ZNF609: variants seen among roughly 807,000 people sequenced by gnomAD.
The protein encoded by ZNF609 is zinc finger protein 609.
Under a neutral mutation model 109.5 loss-of-function variants are expected in ZNF609, and 11 were observed. The ratio of observed to expected loss-of-function variants is 0.10; its 90% confidence interval spans 0.06 to 0.17. The LOEUF (loss-of-function observed/expected upper bound fraction) is 0.17. Among genes scored for constraint, ZNF609 ranks in the 10% least tolerant of loss-of-function variants. The pLI is 1.00. For missense variants in ZNF609, 1,559 were observed against 1,772.4 expected, an observed-to-expected ratio of 0.88 and a Z score of 2.16; for synonymous variants, 646 against 662.0, an observed-to-expected ratio of 0.98 and a Z score of 0.37.
chr15:64,541,063 G>C (rs1029882331), intron 2 of ZNF609, among the ~76,000 whole-genome samples: 3 of 144,640 alleles, frequency 2.1e-5, no homozygotes, highest in Non-Finnish European at 4.5e-5. Flanking sequence ...GTGTCTAACA[G>C]CAAAACAAAA....
At chr15:64,618,567 T>C (rs1422888289) in intron 2 of ZNF609, among the ~76,000 whole-genome samples, 1 of 152,130 alleles carries the variant, frequency 6.6e-6, no homozygotes, top group Non-Finnish European at 1.5e-5. Flanking sequence ...GCTTGGAGAA[T>C]GAGTGTAAGG....
At chr15:64,667,824 T>C (rs1004898082) in intron 3 of ZNF609, among the ~76,000 whole-genome samples, 1 of 152,112 alleles carries the variant, frequency 6.6e-6, no homozygotes, top group Non-Finnish European at 1.5e-5. Flanking sequence ...TGAGAGGTGA[T>C]TTCAGAGGAG....
chr15:64,666,006 C>T (rs1472481522), intron 3 of ZNF609, among the ~76,000 whole-genome samples: 2 of 149,576 alleles, frequency 1.3e-5, no homozygotes, highest in Non-Finnish European at 3.0e-5. Flanking sequence ...ACCCAGGAGG[C>T]GGAGGTTGCA....
At position 64,577,338 on chromosome 15, in the gene ZNF609, T is replaced by C. The variant is rs1423610681; in HGVS notation, c.748-45489T>C. Among the ~76,000 whole-genome samples the C allele has an allele frequency of 5.4e-4, 10 of 18,642 alleles. 4 individuals carry two copies. In the East Asian group the frequency reaches 0.032, roughly 60 times the overall value. 12.2% of individuals were successfully genotyped at this position (18,642 alleles called of 152,430 possible). ...ATATATATACACACAAATATATACA[T>C]ATATATGTATATATATACACATATA... is the stretch of plus-strand genomic sequence containing the variant. On this transcript the variant is annotated intron_variant, in intron 2 of 9. Coordinates refer to ENST00000326648, the MANE Select transcript of ZNF609 (RefSeq NM_015042.2).
chr15:64,598,120 G>T (rs1313339106), intron 2 of ZNF609, among the ~76,000 whole-genome samples: 2 of 152,056 alleles, frequency 1.3e-5, no homozygotes, highest in East Asian at 1.9e-4. Flanking sequence ...AATTCTATCT[G>T]CTTTGTTTTG....
intron 2 of ZNF609, among the ~76,000 whole-genome samples, chr15:64,610,941 C>A (rs1366835322): frequency 6.6e-6 from 1 of 152,050 alleles, no homozygotes; most frequent in Non-Finnish European, 1.5e-5. Flanking sequence ...ATTAAGATTT[C>A]AGAAAAAGGC....
intron 2 of ZNF609, among the ~76,000 whole-genome samples, chr15:64,551,904 T>C (rs151246004): frequency 0.013 from 1,957 of 146,592 alleles, 44 homozygotes; most frequent in African/African-American, 0.046. Context: ...GGAGAATCGC[T>C]TAAACCAGGA....
At chr15:64,476,234 T>C (rs1187803753) in intron 1 of ZNF609, among the ~76,000 whole-genome samples, 1 of 150,850 alleles carries the variant, frequency 6.6e-6, no homozygotes, top group African/African-American at 2.4e-5. Flanking sequence ...CTTCATTCCA[T>C]AAATATTTAT....
chr15:64,558,274 C>G (rs1044163239), intron 2 of ZNF609, among the ~76,000 whole-genome samples: 2 of 139,710 alleles, frequency 1.4e-5, no homozygotes, highest in Non-Finnish European at 3.3e-5. Context: ...CTCTTGCCAC[C>G]CCTACCCCCA....
intron 3 of ZNF609, among the ~76,000 whole-genome samples, chr15:64,664,529 A>C (rs897243573): frequency 6.6e-6 from 1 of 152,202 alleles, no homozygotes; most frequent in Admixed American, 6.5e-5. Flanking sequence ...CAAGATGAAG[A>C]CCAGTTTTTC....
At chr15:64,525,496 G>A (rs1893956973) in intron 2 of ZNF609, among the ~76,000 whole-genome samples, 2 of 152,124 alleles carry the variant, frequency 1.3e-5, no homozygotes. Flanking sequence ...AGTAAGTGTT[G>A]AGAATTGTGA....
chr15:64,684,884 A>C lies in ZNF609; in HGVS notation c.*3198A>C, dbSNP rs750761827. 6.6e-6 allele frequency: 1 copy of C among 152,594 alleles called. No homozygotes were observed. The highest frequency in any genetic ancestry group is 1.5e-5 in the Non-Finnish European group (1 of 68,036). 9.5% of individuals were successfully genotyped at this position (152,594 alleles called of 1,614,324 possible). On this transcript the variant is annotated 3_prime_UTR_variant, in exon 10 of 10. Coordinates refer to ENST00000326648, the MANE Select transcript of ZNF609 (RefSeq NM_015042.2). ...TGTTGTTTGTTTTAATTACTTGGGCATCCCAGGAAGCTTTCCAGTGATCTC... is the reference window on the plus strand; with the variant it reads ...TGTTGTTTGTTTTAATTACTTGGGCCTCCCAGGAAGCTTTCCAGTGATCTC...
chr15:64,579,758 C>T (rs893905776), intron 2 of ZNF609, among the ~76,000 whole-genome samples: 1 of 151,902 alleles, frequency 6.6e-6, no homozygotes, highest in Non-Finnish European at 1.5e-5. Flanking sequence ...CTTCTTTGTC[C>T]TTTGTGCTAT....
chr15:64,537,264 G>A lies in ZNF609; in HGVS notation c.747+37098G>A, dbSNP rs566093082. Among the ~76,000 whole-genome samples, 18 of 151,768 alleles carry A rather than the reference G, an allele frequency of 1.2e-4. No homozygotes were observed. In the South Asian group the frequency reaches 3.1e-3, roughly 26 times the overall value. ...TGTAATCCCAGCACTTTGGGAGGCCGAAGCGGGTGGATCACCTGAGGTTGG... is the reference window on the plus strand; with the variant it reads ...TGTAATCCCAGCACTTTGGGAGGCCAAAGCGGGTGGATCACCTGAGGTTGG... On this transcript the variant is annotated intron_variant, in intron 2 of 9. Transcript: ENST00000326648.
chr15:64,508,400 G>A (rs958209671), intron 2 of ZNF609, among the ~76,000 whole-genome samples: 1 of 152,116 alleles, frequency 6.6e-6, no homozygotes, highest in Non-Finnish European at 1.5e-5. Context: ...TCATGTTAGT[G>A]GTGCCATTGA....
At chr15:64,533,619 C>G (rs1019501148) in intron 2 of ZNF609, among the ~76,000 whole-genome samples, 5 of 152,146 alleles carry the variant, frequency 3.3e-5, no homozygotes, top group Non-Finnish European at 7.4e-5. Context: ...GGGTTTAAGT[C>G]TTTTAAAATT....
chr15:64,639,537 C>A (rs1033036245), intron 3 of ZNF609, among the ~76,000 whole-genome samples: 2 of 152,082 alleles, frequency 1.3e-5, no homozygotes, highest in African/African-American at 4.8e-5. Context: ...GGCTGTCTTC[C>A]CTCTTTGCAT....
chr15:64,659,823 TTTTC>T (rs1250357072), intron 3 of ZNF609, among the ~76,000 whole-genome samples: 28 of 150,960 alleles, frequency 1.9e-4, no homozygotes, highest in Non-Finnish European at 3.7e-4. Context: ...CGCAAAATAT[TTTTC>T]TTTCTTTCTT....
In ZNF609 at chr15:64,650,255, G is replaced by GA. The variant is rs111329104; in HGVS notation, c.974-20079dup. Among the ~76,000 whole-genome samples the GA allele has an allele frequency of 2.8e-3, 389 of 137,168 alleles. 1 individual carries two copies. Among genetic ancestry groups the GA allele is most frequent in the Admixed American group, 5.7e-3 (76 of 13,386 alleles). The allele number at this position is 137,168 out of a possible 152,430, so 90.0% of individuals were successfully genotyped here. A position where few individuals can be genotyped will look rare whatever the true frequency, so the allele number is the denominator to read the frequency against. On this transcript the variant is annotated intron_variant, in intron 3 of 9. Coordinates refer to ENST00000326648, the MANE Select transcript of ZNF609 (RefSeq NM_015042.2). ...CCCCTGTCTCTACTAAAATACAAAAGAAAAAAAAAAAATAAGCCAGGCATG... is the reference window on the plus strand; with the variant it reads ...CCCCTGTCTCTACTAAAATACAAAAGAAAAAAAAAAAAATAAGCCAGGCATG...
Sources: gnomAD v4.1 joint callset for allele counts (sites outside exome capture counted in the v4.1 genomes callset) on GRCh38, gnomAD v4.1.1 for gene constraint, MANE v1.5 for transcripts, NCBI Gene and HGNC (gene_info 2026-07-23, HGNC 2026-07-21) for gene names.